Variants in HSPA4 observed in about 807,000 individuals in gnomAD.
The protein encoded by HSPA4 is heat shock 70 kDa protein 4.
Under a neutral mutation model 106.2 loss-of-function variants are expected in HSPA4, and 25 were observed. That is an observed-to-expected ratio of 0.24 (90% confidence interval 0.17 to 0.33). HSPA4 has a LOEUF of 0.33. HSPA4 is among the 10% of genes least tolerant of loss of function. HSPA4 has a pLI of 1.00. For missense variants in HSPA4, 841 were observed against 996.0 expected, an observed-to-expected ratio of 0.84 and a Z score of 2.10; for synonymous variants, 332 against 333.6, an observed-to-expected ratio of 1.00 and a Z score of 0.05.
At chr5:133,097,367 A>C (rs944186833) in intron 15 of HSPA4, 81 bp downstream of exon 15, 17 of 1,248,826 alleles carry the variant, frequency 1.4e-5, no homozygotes, top group Non-Finnish European at 2.3e-6. Context: ...GTGTGCAGCT[A>C]TATGTGTATA....
chr5:133,098,612 C>T (rs894578645), intron 15 of HSPA4, among the ~76,000 whole-genome samples: 10 of 148,306 alleles, frequency 6.7e-5, no homozygotes, highest in African/African-American at 2.2e-4. Flanking sequence ...CGTGAGTCAC[C>T]GTGCCCGGTC....
chr5:133,104,489 A>G lies in HSPA4; in HGVS notation c.*53A>G, dbSNP rs1765830808. 3 of 1,513,058 alleles carry G rather than the reference A, an allele frequency of 2.0e-6. No homozygotes were observed. The highest frequency in any genetic ancestry group is 1.2e-5 in the South Asian group (1 of 85,782). The allele number at this position is 1,513,058 out of a possible 1,614,324, so 93.7% of individuals were successfully genotyped here. The stretch of plus-strand genomic sequence containing the variant: ...ACTATTATAAAGCTTTAAGTTGTCA[A>G]CTTTGTTCTAAATATCAACTAGCGC... On this transcript the variant is annotated 3_prime_UTR_variant, in exon 19 of 19. Coordinates refer to ENST00000304858, the MANE Select transcript of HSPA4 (RefSeq NM_002154.4).
intron 5 of HSPA4, among the ~76,000 whole-genome samples, chr5:133,073,788 A>G (rs147115680): frequency 1.5e-3 from 226 of 152,354 alleles, no homozygotes; most frequent in African/African-American, 5.1e-3. Context: ...TGGCAACTGT[A>G]AGGAAGTCTA....
At chr5:133,098,055 A>G (rs568333914) in intron 15 of HSPA4, among the ~76,000 whole-genome samples, 2 of 151,618 alleles carry the variant, frequency 1.3e-5, no homozygotes, top group South Asian at 4.2e-4. Flanking sequence ...TAGTTTTTTT[A>G]TCCCACACCC....
intron 15 of HSPA4, among the ~76,000 whole-genome samples, chr5:133,098,580 C>T (rs1231512409): frequency 6.6e-6 from 1 of 152,118 alleles, no homozygotes; most frequent in Non-Finnish European, 1.5e-5. Flanking sequence ...GCCTCGGCCT[C>T]CCAGAGTGCT....
At chr5:133,065,528 G>A (rs774470666) in intron 2 of HSPA4, among the ~76,000 whole-genome samples, 1 of 152,160 alleles carries the variant, frequency 6.6e-6, no homozygotes, top group Non-Finnish European at 1.5e-5. Context: ...GAAGCACCTG[G>A]CCTTAAAATA....
chr5:133,063,687 C>T lies in HSPA4; in HGVS notation c.108-1293C>T, dbSNP rs186482917. 7.6e-3 allele frequency among the ~76,000 whole-genome samples: 1,157 copies of T among 152,196 alleles called. 12 individuals are homozygous for T. Among genetic ancestry groups the T allele is most frequent in the African/African-American group, 0.025 (1,054 of 41,526 alleles). ...ACCTCAGGTGATCTGCCCGCCTCGG[C>T]CCCCCAAAGTGCTGGAATTACAGGC... On this transcript the variant is annotated intron_variant, in intron 1 of 18. Coordinates refer to ENST00000304858, the MANE Select transcript of HSPA4 (RefSeq NM_002154.4).
At chr5:133,087,794 T>C (rs745899337) in intron 8 of HSPA4, among the ~76,000 whole-genome samples, 5 of 152,134 alleles carry the variant, frequency 3.3e-5, no homozygotes, top group Non-Finnish European at 5.9e-5. Flanking sequence ...TGGCTAATTT[T>C]TGTATTTTTA....
chr5:133,069,432 G>T (rs994819418), intron 3 of HSPA4, among the ~76,000 whole-genome samples: 2 of 151,966 alleles, frequency 1.3e-5, no homozygotes, highest in African/African-American at 2.4e-5. Flanking sequence ...TGTGTTTTTA[G>T]TAGAGATGGG....
chr5:133,063,200 G>A (rs996798823), intron 1 of HSPA4, among the ~76,000 whole-genome samples: 1 of 151,974 alleles, frequency 6.6e-6, no homozygotes, highest in Non-Finnish European at 1.5e-5. Flanking sequence ...GGGTTCAGGT[G>A]ATCCTCCTGC....
At chr5:133,063,927 A>G (rs1159969501) in intron 1 of HSPA4, among the ~76,000 whole-genome samples, 3 of 149,584 alleles carry the variant, frequency 2.0e-5, no homozygotes, top group Non-Finnish European at 4.4e-5. Flanking sequence ...ACGCCCAGCT[A>G]CTTTTTGTAT....
At chr5:133,092,650 A>C (rs1267857831) in intron 12 of HSPA4, 50 bp from the exon 13 acceptor site, 1 of 1,162,502 alleles carries the variant, frequency 8.6e-7, no homozygotes, top group Non-Finnish European at 1.3e-6. Context: ...TGTGTAATGA[A>C]GGTTGTTTAG....
rs1581470430 is a variant in HSPA4, at chr5:133,073,431, G to C, written c.529+102G>C. 2.2e-5 allele frequency: 16 copies of C among 716,036 alleles called. No individual in the cohort carries two copies. The East Asian group carries it at 4.2e-4, about 19-fold the overall frequency. The allele number at this position is 716,036 out of a possible 1,614,324, so 44.4% of individuals were successfully genotyped here. On this transcript the variant is annotated intron_variant, in intron 5 of 18. Transcript: ENST00000304858. The stretch of plus-strand genomic sequence containing the variant: ...TGCTCTTTATTTTGCTTTCAGCACT[G>C]CTGCTCTTGCTTACCACTGTGGTCA...
chr5:133,057,762 C>T (rs533825041), intron 1 of HSPA4, among the ~76,000 whole-genome samples: 1 of 152,276 alleles, frequency 6.6e-6, no homozygotes, highest in South Asian at 2.1e-4. Context: ...GGAGGAAAAG[C>T]AATGTCAGTC....
chr5:133,093,466 T>G (rs1388882096), intron 13 of HSPA4, among the ~76,000 whole-genome samples: 1 of 152,128 alleles, frequency 6.6e-6, no homozygotes, highest in African/African-American at 2.4e-5. Flanking sequence ...TTCAAAATCA[T>G]CAATGATCCA....
chr5:133,061,776 C>T (rs1325262765), intron 1 of HSPA4, among the ~76,000 whole-genome samples: 3 of 151,868 alleles, frequency 2.0e-5, no homozygotes, highest in East Asian at 1.9e-4. Context: ...TGTGCCACCA[C>T]GCCTGGCTAA....
chr5:133,103,875 A>G lies in HSPA4; in HGVS notation c.2168A>G (p.Tyr723Cys), dbSNP rs762853209. The G allele has an allele frequency of 4.3e-6, 7 of 1,613,552 alleles. No homozygotes were observed. The highest frequency in any genetic ancestry group is 4.0e-5 in the African/African-American group (3 of 74,920). The change falls in exon 18 of 19, where the codon TAT (tyrosine) becomes TGT (cysteine). Residue 723 changes from tyrosine to cysteine, a missense_variant. Tyr to Cys is a radical substitution (Grantham distance 194, BLOSUM62 -2). Transcript: ENST00000304858. ...ISSFKNKEDQ[Y>C]DHLDAADMTK... The stretch of plus-strand genomic sequence containing the variant: ...GTCTCCTGGTTGCAGGAGGACCAGT[A>G]TGATCATTTGGATGCTGCTGACATG...
chr5:133,053,573 C>G (rs1765111985), intron 1 of HSPA4, among the ~76,000 whole-genome samples: 1 of 152,132 alleles, frequency 6.6e-6, no homozygotes, highest in Non-Finnish European at 1.5e-5. Context: ...TGGTCTCGAA[C>G]TTCTGGACTC....
intron 1 of HSPA4, among the ~76,000 whole-genome samples, chr5:133,058,553 C>T (rs894501021): frequency 6.6e-6 from 1 of 151,890 alleles, no homozygotes; most frequent in Admixed American, 6.6e-5. Context: ...TGGTGCATGC[C>T]TGTAATCCCA....
Sources: allele counts gnomAD v4.1 joint callset (sites outside exome capture counted in the v4.1 genomes callset), GRCh38; gene constraint gnomAD v4.1.1; transcripts MANE v1.5; gene names NCBI Gene and HGNC (gene_info 2026-07-23, HGNC 2026-07-21).